ZNF831: variants seen among roughly 807,000 people sequenced by gnomAD.
The protein encoded by ZNF831 is zinc finger protein 831.
In ZNF831, 59 loss-of-function variants were observed where a neutral mutation model predicts 95.8. The ratio of observed to expected loss-of-function variants is 0.62; its 90% CI spans 0.50 to 0.77. ZNF831 has a LOEUF of 0.77. Ranked by LOEUF, ZNF831 falls within the 30% of genes least tolerant of loss-of-function variation. The pLI is 0.00. For synonymous variants in ZNF831, 961 were observed against 925.5 expected, an observed-to-expected ratio of 1.04 and a Z score of -0.70; for missense variants, 2,205 against 2,164.0, an observed-to-expected ratio of 1.02 and a Z score of -0.38.
At chr20:59,143,970 C>T (rs1979760130) in intron 1 of ZNF831, among the ~76,000 whole-genome samples, 1 of 152,236 alleles carries the variant, frequency 6.6e-6, no homozygotes, top group Non-Finnish European at 1.5e-5. Context: ...TGATTATCCG[C>T]TGAGTGCTCG....
upstream of ZNF831, among the ~76,000 whole-genome samples, chr20:59,161,047 G>T (rs549613463): frequency 6.6e-6 from 1 of 152,166 alleles, no homozygotes; most frequent in South Asian, 2.1e-4. Flanking sequence ...GCTCTGGAGA[G>T]TCTATCTGTA....
intron 4 of ZNF831, among the ~76,000 whole-genome samples, chr20:59,213,943 T>C (rs1985511125): frequency 6.6e-6 from 1 of 152,182 alleles, no homozygotes; most frequent in South Asian, 2.1e-4. Flanking sequence ...TGGGGCCATG[T>C]TGTAAAGGCT....
chr20:59,221,174 G>T (rs566301362), intron 4 of ZNF831, among the ~76,000 whole-genome samples: 1 of 152,134 alleles, frequency 6.6e-6, no homozygotes, highest in African/African-American at 2.4e-5. Context: ...TTCCCCCCAG[G>T]TCTGGACAAG....
chr20:59,127,460 G>T (rs1979208926), intron 1 of ZNF831, among the ~76,000 whole-genome samples: 1 of 152,086 alleles, frequency 6.6e-6, no homozygotes. Flanking sequence ...TGGCCTCGAG[G>T]GCCTGCACCT....
At chr20:59,198,084 C>T (rs773580262) in intron 3 of ZNF831, among the ~76,000 whole-genome samples, 1 of 152,128 alleles carries the variant, frequency 6.6e-6, no homozygotes, top group Admixed American at 6.5e-5. Context: ...TTACCATGTA[C>T]CTGCTGTGTG....
intron 4 of ZNF831, among the ~76,000 whole-genome samples, chr20:59,239,476 C>G (rs1987188353): frequency 6.6e-6 from 1 of 151,750 alleles, no homozygotes; most frequent in South Asian, 2.1e-4. Flanking sequence ...GTTCAAGTTT[C>G]CCCCCTTCTT....
chr20:59,186,154 T>G (rs1360294048), intron 1 of ZNF831, among the ~76,000 whole-genome samples: 1 of 152,198 alleles, frequency 6.6e-6, no homozygotes, highest in African/African-American at 2.4e-5. Flanking sequence ...TAAGCTCCAG[T>G]CACCCACAGT....
At chr20:59,194,854 G>A (rs1568760581) in intron 2 of ZNF831, 97 bp downstream of exon 2, 2 of 1,427,884 alleles carry the variant, frequency 1.4e-6, no homozygotes, top group Non-Finnish European at 1.8e-6. Flanking sequence ...GCCGTCCCAT[G>A]TAGCATCTGC....
rs200214226 is a variant in ZNF831 at position 59,192,347 on chromosome 20, C to G, written c.1328C>G (p.Pro443Arg). 1.2e-6 allele frequency: 2 copies of G among 1,609,164 alleles called. No individual in the cohort carries two copies. The highest frequency in any genetic ancestry group is 2.7e-5 in the African/African-American group (2 of 74,864). The change falls in exon 2 of 6, where the codon CCC becomes CGC. Residue 443 changes from proline to arginine, a missense_variant. Physicochemically the swap from Pro to Arg is moderately radical, Grantham distance 103 (BLOSUM62 -2). Transcript: ENST00000371030. The surrounding 1 kb of genome is among the most constrained non-coding windows in gnomAD (Gnocchi z 5.2). ...GLSKQGSIDL[P>R]TPYTYKDSFH... ...TCCAAACAGGGCAGCATCGACCTGCCCACGCCCTACACCTACAAGGACTCC... is the reference window on the plus strand; with the variant it reads ...TCCAAACAGGGCAGCATCGACCTGCGCACGCCCTACACCTACAAGGACTCC...
intron 4 of ZNF831, among the ~76,000 whole-genome samples, chr20:59,246,206 CT>C (rs1987600469): frequency 6.6e-6 from 1 of 152,212 alleles, no homozygotes; most frequent in Non-Finnish European, 1.5e-5. Context: ...GAGCCCTCTT[CT>C]CTCTCTGTGC....
rs6015459 is a variant in ZNF831, at chr20:59,233,043, C to T, written c.4028-19935C>T. On this transcript the variant is annotated intron_variant, in intron 4 of 5. Transcript: ENST00000371030. ...ACACACACACACACACACACACACA[C>T]ATAGAGAGAGAGAGACAGACAGAGA... Among the ~76,000 whole-genome samples the T allele has an allele frequency of 4.7e-3, 636 of 134,344 alleles. 1 individual carries two copies. Among genetic ancestry groups the T allele is most frequent in the Non-Finnish European group, 8.2e-3 (514 of 62,876 alleles). The allele number at this position is 134,344 out of a possible 152,430, so 88.1% of individuals were successfully genotyped here. A position where few individuals can be genotyped will look rare whatever the true frequency, so the allele number is the denominator to read the frequency against.
intron 4 of ZNF831, among the ~76,000 whole-genome samples, chr20:59,244,348 G>C (rs568442691): frequency 6.6e-6 from 1 of 152,240 alleles, no homozygotes; most frequent in East Asian, 1.9e-4. Flanking sequence ...TTAGTTACTG[G>C]TGTGTGAGGA....
At chr20:59,241,444 A>G (rs1987331544) in intron 4 of ZNF831, among the ~76,000 whole-genome samples, 1 of 152,162 alleles carries the variant, frequency 6.6e-6, no homozygotes, top group Non-Finnish European at 1.5e-5. Flanking sequence ...ATCTTGAGAA[A>G]AGAAGCCAAG....
At chr20:59,244,014 TGTCTG>T (rs551075671) in intron 4 of ZNF831, among the ~76,000 whole-genome samples, 136 of 152,350 alleles carry the variant, frequency 8.9e-4, no homozygotes, top group African/African-American at 3.1e-3. Flanking sequence ...ATTCTCTTCT[TGTCTG>T]GGCATGATTA....
At chr20:59,253,875 T>TTTTCCTTTTCCC in intron 5 of ZNF831, 23 bp from the exon 6 acceptor site, 1 of 881,872 alleles carries the variant, frequency 1.1e-6, no homozygotes, top group Admixed American at 2.5e-5. Context: ...CCCACTTTTT[T>TTTTCCTTTTCCC]TTTCCTTTGC....
chr20:59,234,945 A>T (rs1986919093), intron 4 of ZNF831, among the ~76,000 whole-genome samples: 1 of 152,012 alleles, frequency 6.6e-6, no homozygotes, highest in African/African-American at 2.4e-5. Context: ...ACCTAAATTC[A>T]CCGTTTGTTG....
Position 59,208,361 on chromosome 20 carries a change from T to C in ZNF831, c.4027+1305T>C, listed in dbSNP as rs1056693787. 6.6e-6 allele frequency among the ~76,000 whole-genome samples: 1 copy of C among 152,078 alleles called. No homozygotes were observed. Among genetic ancestry groups the C allele is most frequent in the Non-Finnish European group, 1.5e-5 (1 of 68,002 alleles). ...GGTCTGTACCACCAGGACAAGAGGATGTCTCCCCCATGCAAAGGCCAGGGG... is the reference window on the plus strand; with the variant it reads ...GGTCTGTACCACCAGGACAAGAGGACGTCTCCCCCATGCAAAGGCCAGGGG... On this transcript the variant is annotated intron_variant, in intron 4 of 5. Transcript: ENST00000371030. The surrounding 1 kb of genome is among the most constrained non-coding windows in gnomAD (Gnocchi z 4.2).
intron 1 of ZNF831, among the ~76,000 whole-genome samples, chr20:59,124,996 T>C (rs139129284): frequency 1.3e-3 from 200 of 152,342 alleles, no homozygotes; most frequent in Non-Finnish European, 2.3e-3. Context: ...ATTTTAGGCC[T>C]GGCCAGTGAG....
At position 59,206,943 on chromosome 20, in the gene ZNF831, G is replaced by A. The variant is rs754159883; in HGVS notation, c.3914G>A (p.Arg1305Lys). The A allele has an allele frequency of 1.2e-6, 2 of 1,614,218 alleles. No individual in the cohort carries two copies. The highest frequency in any genetic ancestry group is 1.7e-5 in the Admixed American group (1 of 60,022). ...TTCTTGCAGAGCTGTGTTCAGCTGA[G>A]AGCCAGTAGACTTCGCACACCAACC... is the stretch of plus-strand genomic sequence containing the variant. ...GNFLQSCVQL[R>K]ASRLRTPTWV... The change falls in exon 4 of 6, where the codon AGA becomes AAA. Residue 1305 changes from arginine to lysine, a missense_variant. Transcript: ENST00000371030.
Sources: allele counts gnomAD v4.1 joint callset (sites outside exome capture counted in the v4.1 genomes callset), GRCh38; gene constraint gnomAD v4.1.1; non-coding constraint Gnocchi (gnomAD v3.1); transcripts MANE v1.5; gene names NCBI Gene and HGNC (gene_info 2026-07-23, HGNC 2026-07-21).